The following PTPRN2 variants were observed in gnomAD, a reference collection of about 807,000 sequenced individuals.
The protein encoded by PTPRN2 is protein tyrosine phosphatase receptor type N2.
Under a neutral mutation model 118.8 loss-of-function variants are expected in PTPRN2, and 74 were observed. That is an observed-to-expected ratio of 0.62 (90% CI 0.52 to 0.76). The LOEUF (loss-of-function observed/expected upper bound fraction) is 0.76. PTPRN2 is among the 30% of genes least tolerant of loss of function. The pLI is 0.00. For missense variants in PTPRN2, 1,481 were observed against 1,394.4 expected, an observed-to-expected ratio of 1.06 and a Z score of -0.99; for synonymous variants, 641 against 608.0, an observed-to-expected ratio of 1.05 and a Z score of -0.80.
chr7:158,312,096 C>T (rs1336001646), intron 3 of PTPRN2, among the ~76,000 whole-genome samples: 1 of 142,254 alleles, frequency 7.0e-6, no homozygotes, highest in Admixed American at 7.1e-5. Flanking sequence ...TTCACATGCT[C>T]ACATGTAGAC....
In PTPRN2 at chr7:157,779,938, C is replaced by T. The variant is rs1803573617; in HGVS notation, c.1789-97001G>A. The stretch of plus-strand genomic sequence containing the variant: ...CAGCCCTCGAGGAATGGAAAACTCT[C>T]AGACTGCTGTGTCCACACGGGTTAA... On this transcript the variant is annotated intron_variant, in intron 12 of 22. Transcript: ENST00000389418. The surrounding 1 kb of genome is among the most constrained non-coding windows in gnomAD (Gnocchi z 4.7). 6.6e-6 allele frequency among the ~76,000 whole-genome samples: 1 copy of T among 152,192 alleles called. No homozygotes were observed. Among genetic ancestry groups the T allele is most frequent in the African/African-American group, 2.4e-5 (1 of 41,430 alleles).
At chr7:157,757,876 C>T (rs1366756266) in intron 12 of PTPRN2, among the ~76,000 whole-genome samples, 1 of 152,220 alleles carries the variant, frequency 6.6e-6, no homozygotes, top group Non-Finnish European at 1.5e-5. Flanking sequence ...CCAGGCTCCG[C>T]CCCTGACGCC....
In PTPRN2 at chr7:158,563,837, G is replaced by A. The variant is rs1198929809; in HGVS notation, c.112+23721C>T. Among the ~76,000 whole-genome samples, 1 of 152,198 alleles carries A rather than the reference G, an allele frequency of 6.6e-6. No homozygotes were observed. The highest frequency in any genetic ancestry group is 1.5e-5 in the Non-Finnish European group (1 of 68,034). ...TATTTTTTAGGGAATGGTCTTTTCT[G>A]TTTATAGGATCTATGCATAGCATAT... On this transcript the variant is annotated intron_variant, in intron 1 of 22. Transcript: ENST00000389418. The surrounding 1 kb of genome is among the most constrained non-coding windows in gnomAD (Gnocchi z 5.1).
At position 157,893,908 on chromosome 7, in the gene PTPRN2, G is replaced by A. The variant is rs367747828; in HGVS notation, c.1788+4765C>T. 9.8e-5 allele frequency among the ~76,000 whole-genome samples: 15 copies of A among 152,290 alleles called. No individual in the cohort carries two copies. Among genetic ancestry groups the A allele is most frequent in the African/African-American group, 2.4e-4 (10 of 41,560 alleles). ...CGACTTGAAGGGAACAGAGATGGCC[G>A]TCGCGCCCAGTGAGAGCAGAAAGCA... On this transcript the variant is annotated intron_variant, in intron 12 of 22. Transcript: ENST00000389418. The surrounding 1 kb of genome is among the most constrained non-coding windows in gnomAD (Gnocchi z 4.0).
At chr7:158,246,841 G>T (rs1223415120) in intron 3 of PTPRN2, among the ~76,000 whole-genome samples, 4 of 152,026 alleles carry the variant, frequency 2.6e-5, no homozygotes, top group Non-Finnish European at 5.9e-5. Context: ...GATGGTGCAC[G>T]TGACCCACGA....
intron 3 of PTPRN2, among the ~76,000 whole-genome samples, chr7:158,281,800 T>C (rs1213334407): frequency 1.3e-5 from 2 of 152,210 alleles, no homozygotes; most frequent in Non-Finnish European, 2.9e-5. Context: ...TTGACAAAGG[T>C]CTGAGTCAAC....
intron 12 of PTPRN2, among the ~76,000 whole-genome samples, chr7:157,851,315 C>T (rs1312803272): frequency 7.2e-5 from 11 of 152,218 alleles, no homozygotes; most frequent in Admixed American, 5.9e-4. Flanking sequence ...CCCTTAACTT[C>T]TCAAAATAAT....
At chr7:158,420,040 C>A (rs577868117) in intron 2 of PTPRN2, among the ~76,000 whole-genome samples, 1 of 152,184 alleles carries the variant, frequency 6.6e-6, no homozygotes, top group Non-Finnish European at 1.5e-5. Context: ...CAGGACCTGA[C>A]CCCTAAGGTC....
At position 157,969,533 on chromosome 7, in the gene PTPRN2, G is replaced by C. The variant is rs554039869; in HGVS notation, c.1724-70796C>G. 3.9e-5 allele frequency among the ~76,000 whole-genome samples: 6 copies of C among 152,260 alleles called. No individual in the cohort carries two copies. The East Asian group carries it at 1.2e-3, about 29-fold the overall frequency. ...GGAGCTGGGAGGTGGTGGCAGGCTG[G>C]GTGCTGCCTGGGTTTCATCAGAACC... On this transcript the variant is annotated intron_variant, in intron 11 of 22. Transcript: ENST00000389418.
chr7:158,028,435 G>C (rs935882753), intron 11 of PTPRN2: 2 of 152,380 alleles, frequency 1.3e-5, no homozygotes, highest in African/African-American at 4.8e-5. Context: ...CCTGAATCTA[G>C]GACAGAGGCC....
chr7:157,544,089 G>A (rs1798147579), intron 22 of PTPRN2, among the ~76,000 whole-genome samples: 1 of 150,676 alleles, frequency 6.6e-6, no homozygotes, highest in South Asian at 2.1e-4. Context: ...ACGGAGAGAG[G>A]TGAAGAGAGG....
At chr7:157,836,327 G>C (rs561219799) in intron 12 of PTPRN2, among the ~76,000 whole-genome samples, 1 of 152,168 alleles carries the variant, frequency 6.6e-6, no homozygotes, top group African/African-American at 2.4e-5. Context: ...TGGATAAGAG[G>C]AATTGAGGTA....
Position 157,725,370 on chromosome 7 carries a change from G to T in PTPRN2, c.1789-42433C>A, listed in dbSNP as rs866295378. ...ATCTACACACAGAGGAGTGTGGCCA[G>T]ACCCTCGCCTCCCAGGAGAACTGGA... On this transcript the variant is annotated intron_variant, in intron 12 of 22. Transcript: ENST00000389418. Among the ~76,000 whole-genome samples the T allele has an allele frequency of 5.5e-4, 31 of 56,294 alleles. 1 individual carries two copies. The highest frequency in any genetic ancestry group is 1.2e-3 in the East Asian group (3 of 2,546). The allele number at this position is 56,294 out of a possible 152,430, so 36.9% of individuals were successfully genotyped here. A position where few individuals can be genotyped will look rare whatever the true frequency, so the allele number is the denominator to read the frequency against.
At chr7:157,799,467 C>G (rs1805091349) in intron 12 of PTPRN2, among the ~76,000 whole-genome samples, 1 of 152,078 alleles carries the variant, frequency 6.6e-6, no homozygotes, top group African/African-American at 2.4e-5. Flanking sequence ...TTTCATTTTC[C>G]CCACCAGAGC....
chr7:158,252,666 G>A (rs377564093), intron 3 of PTPRN2, among the ~76,000 whole-genome samples: 4 of 152,268 alleles, frequency 2.6e-5, no homozygotes, highest in East Asian at 1.9e-4. Context: ...CTGCACAGAC[G>A]CGTGACAGGC....
At chr7:157,886,101 A>C (rs1267843742) in intron 12 of PTPRN2, among the ~76,000 whole-genome samples, 1 of 152,188 alleles carries the variant, frequency 6.6e-6, no homozygotes, top group Non-Finnish European at 1.5e-5. Context: ...GGATTATTAC[A>C]CACTGAGGGA....
intron 11 of PTPRN2, among the ~76,000 whole-genome samples, chr7:157,982,906 G>A (rs1160053714): frequency 7.6e-6 from 1 of 132,006 alleles, no homozygotes; most frequent in Non-Finnish European, 1.6e-5. Flanking sequence ...GAGATGAGGA[G>A]GGAATGCAGA....
chr7:158,360,087 C>A lies in PTPRN2; in HGVS notation c.164-43155G>T, dbSNP rs1323158892. On this transcript the variant is annotated intron_variant, in intron 2 of 22. Transcript: ENST00000389418. ...CGCACAGACCCCACATCCACCCTCA[C>A]CCAGGATGACGCACAGACCCCACAT... Among the ~76,000 whole-genome samples, 2 of 143,470 alleles carry A rather than the reference C, an allele frequency of 1.4e-5. 1 individual carries two copies. Among genetic ancestry groups the A allele is most frequent in the Non-Finnish European group, 3.0e-5 (2 of 65,780 alleles). The allele number at this position is 143,470 out of a possible 152,430, so 94.1% of individuals were successfully genotyped here.
In PTPRN2 at chr7:158,336,269, A is replaced by C. The variant is rs562604444; in HGVS notation, c.164-19337T>G. ...CACACGTCACTCGCACTCACACTCT[A>C]GCCATAAGAGCTGACGCCCGCAGAC... On this transcript the variant is annotated intron_variant, in intron 2 of 22. Coordinates refer to ENST00000389418, the MANE Select transcript of PTPRN2 (RefSeq NM_002847.5). 1.6e-3 allele frequency among the ~76,000 whole-genome samples: 36 copies of C among 22,922 alleles called. 3 individuals carry two copies. In the East Asian group the frequency reaches 0.018, roughly 12 times the overall value. The allele number at this position is 22,922 out of a possible 152,430, so 15.0% of individuals were successfully genotyped here. A position where few individuals can be genotyped will look rare whatever the true frequency, so the allele number is the denominator to read the frequency against.
Sources: gnomAD v4.1 joint callset for allele counts (sites outside exome capture counted in the v4.1 genomes callset) on GRCh38, gnomAD v4.1.1 for gene constraint, Gnocchi (gnomAD v3.1) non-coding constraint, MANE v1.5 for transcripts, NCBI Gene and HGNC (gene_info 2026-07-23, HGNC 2026-07-21) for gene names.